MYO1C: variants seen among roughly 807,000 people sequenced by gnomAD.
MYO1C encodes the protein unconventional myosin-Ic.
MYO1C carries 104 observed loss-of-function variants against 150.8 expected under a neutral mutation model. The observed-to-expected ratio is 0.69, with a 90% confidence interval of 0.59 to 0.81. MYO1C has a LOEUF of 0.81. Among genes scored for constraint, MYO1C ranks in the 30% least tolerant of loss-of-function variants. The pLI, the probability that MYO1C is intolerant of heterozygous loss-of-function variation, is 0.00. For missense variants in MYO1C, 1,504 were observed against 1,435.0 expected, an observed-to-expected ratio of 1.05 and a Z score of -0.78; for synonymous variants, 663 against 579.9, an observed-to-expected ratio of 1.14 and a Z score of -2.06.
rs1206427362 is a variant in MYO1C at position 1,470,409 on chromosome 17, C to T, written c.2366+26G>A. On this transcript the variant is annotated intron_variant, in intron 23 of 31. Transcript: ENST00000648651. ...CCACCCCCCACGCCCTGCTCTGCAG[C>T]CCCCACAAGGCACCCTGGCGCTCAC... The T allele has an allele frequency of 3.2e-6, 5 of 1,549,586 alleles. No individual in the cohort carries two copies. The African/African-American group carries it at 4.1e-5, about 13-fold the overall frequency.
chr17:1,491,686 C>G (rs1489686891), intron 1 of MYO1C: 1 of 978,186 alleles, frequency 1.0e-6, no homozygotes, highest in Non-Finnish European at 1.2e-6. Flanking sequence ...TCTCCCCGCC[C>G]AGGGCCCGCC....
intron 13 of MYO1C, 102 bp downstream of exon 13, chr17:1,477,789 C>T (rs1378490145): frequency 1.4e-5 from 17 of 1,234,496 alleles, no homozygotes; most frequent in Non-Finnish European, 1.7e-5. Flanking sequence ...CTACTCAGCC[C>T]CAAACTCTGG....
chr17:1,481,702 T>C lies in MYO1C; in HGVS notation c.627+776A>G, dbSNP rs192669136. On this transcript the variant is annotated intron_variant, in intron 5 of 31. Coordinates refer to ENST00000648651, the MANE Select transcript of MYO1C (RefSeq NM_001080779.2). ...TTTCAGTAGAGGCAGGGTTTCACCA[T>C]GTTGGCCAGGCTGGTCTTGAACTCC... 2.3e-3 allele frequency among the ~76,000 whole-genome samples: 354 copies of C among 151,844 alleles called. 1 individual carries two copies. Among genetic ancestry groups the C allele is most frequent in the African/African-American group, 7.9e-3 (329 of 41,394 alleles).
chr17:1,469,268 G>A (rs1041247729), intron 25 of MYO1C: 10 of 509,344 alleles, frequency 2.0e-5, no homozygotes, highest in East Asian at 1.4e-4. Flanking sequence ...ACAGTAGATT[G>A]CGGTAAATAG....
At position 1,467,800 on chromosome 17, in the gene MYO1C, C is replaced by T. The variant is rs758915320; in HGVS notation, c.2967+40G>A. 8 of 934,896 alleles carry T rather than the reference C, an allele frequency of 8.6e-6. 1 individual carries two copies. In the East Asian group the frequency reaches 2.1e-4, roughly 25 times the overall value. 57.9% of individuals were successfully genotyped at this position (934,896 alleles called of 1,614,324 possible). ...TCCACCCCACCTCCCCATCTACCTC[C>T]CCCATCCCCCACCACTCCTCCCCAT... On this transcript the variant is annotated intron_variant, in intron 29 of 31. Coordinates refer to ENST00000648651, the MANE Select transcript of MYO1C (RefSeq NM_001080779.2).
intron 31 of MYO1C, 22 bp downstream of exon 31, chr17:1,467,220 C>A (rs754391018): frequency 2.5e-6 from 4 of 1,596,128 alleles, no homozygotes; most frequent in Admixed American, 1.7e-5. Flanking sequence ...AGGCCATAAG[C>A]GGGAAAGCAG....
Position 1,483,692 on chromosome 17 carries a change from G to C in MYO1C, c.265C>G (p.Pro89Ala). The stretch of plus-strand genomic sequence containing the variant: ...CTGTAGATCTGCAGGTCCCGGTAGG[G>C]ATTGACAGAGACCAGGACGGGGCCA... Reference protein sequence around the residue: ...YIGPVLVSVNPYRDLQIYSRQ... With the variant: ...YIGPVLVSVNAYRDLQIYSRQ... The change falls in exon 3 of 32, where the codon CCC (proline) becomes GCC (alanine). Residue 89 changes from proline to alanine, a missense_variant. Physicochemically the swap from Pro to Ala is conservative, Grantham distance 27 (BLOSUM62 -1). Transcript: ENST00000648651. 1 of 1,613,108 alleles carries C rather than the reference G, an allele frequency of 6.2e-7. No homozygotes were observed. The highest frequency in any genetic ancestry group is 8.5e-7 in the Non-Finnish European group (1 of 1,179,694).
chr17:1,465,761 G>T lies in MYO1C; in HGVS notation c.3166-9C>A, dbSNP rs754080554. On this transcript the variant is annotated splice_polypyrimidine_tract_variant and intron_variant, in intron 31 of 31. Coordinates refer to ENST00000648651, the MANE Select transcript of MYO1C (RefSeq NM_001080779.2). ...TTCAGCCGTGGGGCGACCTGTGGGG[G>T]CGGAGAGAGACGGCCAAGTGGTGAG... 3 of 1,320,400 alleles carry T rather than the reference G, an allele frequency of 2.3e-6. No individual in the cohort carries two copies. Among genetic ancestry groups the T allele is most frequent in the Non-Finnish European group, 2.9e-6 (3 of 1,025,650 alleles). The allele number at this position is 1,320,400 out of a possible 1,614,324, so 81.8% of individuals were successfully genotyped here.
At position 1,470,970 on chromosome 17, in the gene MYO1C, A is replaced by G. The variant is rs1051262842; in HGVS notation, c.2212+101T>C. On this transcript the variant is annotated intron_variant, in intron 21 of 31. Transcript: ENST00000648651. ...GGAGCTGGGCGTGGGGCTGGAGCTG[A>G]TAGGGAGGGGTGGACTCCCTGGAGA... is the stretch of plus-strand genomic sequence containing the variant. The G allele has an allele frequency of 3.1e-6, 4 of 1,308,172 alleles. No homozygotes were observed. In the South Asian group the frequency reaches 4.9e-5, roughly 16 times the overall value. 81.0% of individuals were successfully genotyped at this position (1,308,172 alleles called of 1,614,324 possible). A position where few individuals can be genotyped will look rare whatever the true frequency, so the allele number is the denominator to read the frequency against.
At position 1,474,808 on chromosome 17, in the gene MYO1C, T is replaced by C. The variant is rs772560714; in HGVS notation, c.1716+4A>G. ...CCACCCCGGCCTCCCCACGTCCTCC[T>C]CACCTCCTTAAGGTTCCGGAAGAGA... On this transcript the variant is annotated splice_donor_region_variant and intron_variant, in intron 16 of 31. Coordinates refer to ENST00000648651, the MANE Select transcript of MYO1C (RefSeq NM_001080779.2). The C allele has an allele frequency of 5.2e-5, 61 of 1,166,372 alleles. No individual in the cohort carries two copies. The highest frequency in any genetic ancestry group is 4.8e-4 in the South Asian group (40 of 82,604). 72.3% of individuals were successfully genotyped at this position (1,166,372 alleles called of 1,614,324 possible). A position where few individuals can be genotyped will look rare whatever the true frequency, so the allele number is the denominator to read the frequency against.
At position 1,467,412 on chromosome 17, in the gene MYO1C, T is replaced by G. The variant is rs1280526679; in HGVS notation, c.3065+68A>C. 7.0e-6 allele frequency: 11 copies of G among 1,577,168 alleles called. No individual in the cohort carries two copies. In the East Asian group the frequency reaches 2.3e-4, roughly 32 times the overall value. Reference sequence around the variant, plus strand: ...CCAACCCTAAGGTGGACCCCCACCCTGTCCCTGGGTGCCCACACAGCCCCC... The same window carrying G: ...CCAACCCTAAGGTGGACCCCCACCCGGTCCCTGGGTGCCCACACAGCCCCC... On this transcript the variant is annotated intron_variant, in intron 30 of 31. Transcript: ENST00000648651.
At chr17:1,489,834 T>C (rs902857180) in intron 1 of MYO1C, among the ~76,000 whole-genome samples, 14 of 149,612 alleles carry the variant, frequency 9.4e-5, no homozygotes, top group Admixed American at 8.0e-4. Context: ...AGGTCAGGAG[T>C]TCCAGACCAG....
chr17:1,481,780 C>T (rs2074526794), intron 5 of MYO1C, among the ~76,000 whole-genome samples: 1 of 148,578 alleles, frequency 6.7e-6, no homozygotes, highest in Non-Finnish European at 1.5e-5. Flanking sequence ...AGATTACAGG[C>T]ATGAGCCACC....
At chr17:1,467,764 C>G in intron 29 of MYO1C, 76 bp downstream of exon 29, 1 of 607,242 alleles carries the variant, frequency 1.6e-6, no homozygotes, top group South Asian at 1.8e-5. Flanking sequence ...CCCACACCCC[C>G]TATTCCCCCA....
In MYO1C at chr17:1,470,626, C is replaced by T; in HGVS notation, c.2276G>A (p.Arg759Lys). Residue 759 changes from arginine (R) to lysine (K), a missense_variant, in exon 22 of 32, where the codon AGA becomes AAA. Transcript: ENST00000648651. ...HWRQKFLRVKRSAICIQSWWR... is the reference protein window; with the variant it reads ...HWRQKFLRVKKSAICIQSWWR... ...ACACCCATGGGCCCGCGAACCTGAT[C>T]TCTTCACCCGGAGGAATTTCTGCCG... 6.2e-7 allele frequency: 1 copy of T among 1,604,118 alleles called. No individual in the cohort carries two copies. Among genetic ancestry groups the T allele is most frequent in the Non-Finnish European group, 8.5e-7 (1 of 1,175,256 alleles).
rs2286869 is a variant in MYO1C, at chr17:1,468,681, C to A, written c.2611-185G>T. ...AACCCTCCACTTCCTGACCCTCTGC[C>A]GCCACCAAGCACTCCCCAGCGGGGT... On this transcript the variant is annotated intron_variant, in intron 25 of 31. Coordinates refer to ENST00000648651, the MANE Select transcript of MYO1C (RefSeq NM_001080779.2). 4.9e-6 allele frequency: 3 copies of A among 616,766 alleles called. No homozygotes were observed. In the African/African-American group the frequency reaches 5.5e-5, roughly 11 times the overall value. 38.2% of individuals were successfully genotyped at this position (616,766 alleles called of 1,614,324 possible). A position where few individuals can be genotyped will look rare whatever the true frequency, so the allele number is the denominator to read the frequency against.
chr17:1,471,330 C>T lies in MYO1C; in HGVS notation c.2028G>A (p.Lys676=), dbSNP rs756354904. The T allele has an allele frequency of 6.8e-6, 11 of 1,613,676 alleles. No individual in the cohort carries two copies. The South Asian group carries it at 1.1e-4, about 16-fold the overall frequency. The part of the protein sequence containing the change: ...RKYEAFLQRY[K]SLCPETWPTW... ...TGGGCCACGTCTCTGGGCACAGTGA[C>T]TTGTACCTGGGGACAGGAATGCACG... Residue 676 remains lysine, a synonymous_variant, in exon 20 of 32, where the codon AAG becomes AAA. Transcript: ENST00000648651.
chr17:1,479,324 C>A lies in MYO1C; in HGVS notation c.1092+107G>T. The A allele has an allele frequency of 1.3e-6, 1 of 745,244 alleles. No homozygotes were observed. The highest frequency in any genetic ancestry group is 2.3e-6 in the Non-Finnish European group (1 of 428,786). The allele number at this position is 745,244 out of a possible 1,614,324, so 46.2% of individuals were successfully genotyped here. A position where few individuals can be genotyped will look rare whatever the true frequency, so the allele number is the denominator to read the frequency against. On this transcript the variant is annotated intron_variant, in intron 9 of 31. Coordinates refer to ENST00000648651, the MANE Select transcript of MYO1C (RefSeq NM_001080779.2). The surrounding 1 kb of genome is among the most constrained non-coding windows in gnomAD (Gnocchi z 4.2). ...CTGCTTCTCTGAGCAGCCTTCCTTC[C>A]ATCCCTCCAGCATTGCTGAGGGAAC... is the stretch of plus-strand genomic sequence containing the variant.
intron 31 of MYO1C, among the ~76,000 whole-genome samples, chr17:1,465,954 G>T (rs138892781): frequency 6.6e-6 from 1 of 150,404 alleles, no homozygotes; most frequent in South Asian, 2.1e-4. Flanking sequence ...GGCGTGAGCC[G>T]CCGCACCCAG....
Sources: allele counts gnomAD v4.1 joint callset (sites outside exome capture counted in the v4.1 genomes callset), GRCh38; gene constraint gnomAD v4.1.1; non-coding constraint Gnocchi (gnomAD v3.1); transcripts MANE v1.5; gene names NCBI Gene and HGNC (gene_info 2026-07-23, HGNC 2026-07-21).